Variants in TTC34 observed in about 807,000 individuals in gnomAD.
TTC34 encodes the protein tetratricopeptide repeat protein 34.
In TTC34, 44 loss-of-function variants were observed where a neutral mutation model predicts 40.7. That is an observed-to-expected ratio of 1.08 (90% CI 0.85 to 1.39). The LOEUF (loss-of-function observed/expected upper bound fraction) is 1.39, where lower values mean the gene tolerates loss of function less well. Ranked by LOEUF, TTC34 falls within the 40% of genes most tolerant of loss-of-function variation. The pLI is 0.00. For synonymous variants in TTC34, 422 were observed against 398.6 expected (o/e 1.06, Z -0.70); for missense variants, 884 against 838.0 (o/e 1.05, Z -0.68).
chr1:2,791,952 C>G lies in TTC34; in HGVS notation c.785-1606G>C, dbSNP rs575851467. The stretch of plus-strand genomic sequence containing the variant: ...TCAAGTTCACCGACCCTTCTACTGT[C>G]GCTAATATTTTCATTTCAATTATTG... On this transcript the variant is annotated intron_variant, in intron 2 of 8. Coordinates refer to ENST00000401095, the Ensembl canonical transcript of TTC34. Among the ~76,000 whole-genome samples, 3 of 141,580 alleles carry G rather than the reference C, an allele frequency of 2.1e-5. No homozygotes were observed. The Admixed American group carries it at 2.2e-4, about 11-fold the overall frequency. The allele number at this position is 141,580 out of a possible 152,430, so 92.9% of individuals were successfully genotyped here. A position where few individuals can be genotyped will look rare whatever the true frequency, so the allele number is the denominator to read the frequency against.
chr1:2,698,767 C>T (rs1466190746), intron 6 of TTC34, among the ~76,000 whole-genome samples: 362 of 97,828 alleles, frequency 3.7e-3, no homozygotes, highest in Non-Finnish European at 4.2e-3. Context: ...AGGACCCACA[C>T]CCCCAGGTGA....
chr1:2,657,494 C>A (rs1405974308), intron 6 of TTC34, among the ~76,000 whole-genome samples: 1 of 96,572 alleles, frequency 1.0e-5, no homozygotes, highest in African/African-American at 3.1e-5. Context: ...CGGAGCAGCA[C>A]CCACAACCCC....
rs1310767036 is a variant in TTC34, at chr1:2,767,861, C to T, written c.2226+15748G>A. On this transcript the variant is annotated intron_variant, in intron 6 of 8. Transcript: ENST00000401095. ...AGCACCCACACCCCCAGGTGTGCATCTGACAGCCTGAAACAGCACCCTCCA... is the reference window on the plus strand; with the variant it reads ...AGCACCCACACCCCCAGGTGTGCATTTGACAGCCTGAAACAGCACCCTCCA... 2.0e-5 allele frequency among the ~76,000 whole-genome samples: 3 copies of T among 149,284 alleles called. 1 individual carries two copies. The highest frequency in any genetic ancestry group is 7.4e-5 in the African/African-American group (3 of 40,564).
At chr1:2,778,188 A>T (rs1342302791) in intron 6 of TTC34, among the ~76,000 whole-genome samples, 1 of 152,158 alleles carries the variant, frequency 6.6e-6, no homozygotes, top group African/African-American at 2.4e-5. Context: ...GGCCTCCAGG[A>T]TTGCTTTTCC....
rs558029743 is a variant in TTC34, at chr1:2,691,147, G to A, written c.2227-45584C>T. Among the ~76,000 whole-genome samples, 2 of 70,144 alleles carry A rather than the reference G, an allele frequency of 2.9e-5. 1 individual carries two copies. The highest frequency in any genetic ancestry group is 6.7e-5 in the Non-Finnish European group (2 of 29,814). The allele number at this position is 70,144 out of a possible 152,430, so 46.0% of individuals were successfully genotyped here. ...CCTGGAACAGAACCCACACCGCCAG[G>A]GGAGTATCTGACAGACTGGAACAGC... On this transcript the variant is annotated intron_variant, in intron 6 of 8. Coordinates refer to ENST00000401095, the Ensembl canonical transcript of TTC34.
At chr1:2,690,980 C>A (rs576112944) in intron 6 of TTC34, among the ~76,000 whole-genome samples, 1 of 70,308 alleles carries the variant, frequency 1.4e-5, no homozygotes, top group East Asian at 3.4e-4. Flanking sequence ...AGCACCCACA[C>A]CCCTAGGAGA....
chr1:2,783,868 T>A, intron 5 of TTC34, 93 bp from the exon 6 acceptor site: 2 of 1,244,844 alleles, frequency 1.6e-6, no homozygotes, highest in Non-Finnish European at 2.1e-6. Flanking sequence ...AGAGGGTGCA[T>A]GAGCTTCAGG....
chr1:2,646,013 T>A (rs1290615316), intron 6 of TTC34, among the ~76,000 whole-genome samples: 3 of 152,096 alleles, frequency 2.0e-5, no homozygotes, highest in Non-Finnish European at 4.4e-5. Flanking sequence ...CTGCTCCCAG[T>A]GCCTGTGGTC....
intron 2 of TTC34, among the ~76,000 whole-genome samples, chr1:2,798,344 C>A (rs1471938102): frequency 2.0e-5 from 2 of 98,336 alleles, no homozygotes; most frequent in African/African-American, 8.8e-5. Context: ...CCTCTTAGCC[C>A]CTTAGCTCCC....
At chr1:2,783,909 G>T in intron 5 of TTC34, 134 bp from the exon 6 acceptor site, 1 of 810,500 alleles carries the variant, frequency 1.2e-6, no homozygotes, top group Non-Finnish European at 1.8e-6. Flanking sequence ...AGGCCACTGG[G>T]CACCAAGACA....
intron 6 of TTC34, among the ~76,000 whole-genome samples, chr1:2,768,022 C>G (rs1015086410): frequency 1.3e-5 from 2 of 150,942 alleles, no homozygotes; most frequent in Admixed American, 1.3e-4. Context: ...GAGCATCTGA[C>G]AGCATAAAAC....
At chr1:2,753,028 T>G (rs1474102498) in intron 6 of TTC34, among the ~76,000 whole-genome samples, 1 of 146,410 alleles carries the variant, frequency 6.8e-6, no homozygotes, top group East Asian at 2.1e-4. Flanking sequence ...CAGGTGAGCA[T>G]CCGACAGCCT....
At position 2,752,250 on chromosome 1, in the gene TTC34, GC is replaced by G. The variant is rs1196979372; in HGVS notation, c.2226+31358del. Among the ~76,000 whole-genome samples, 5 of 67,066 alleles carry G rather than the reference GC, an allele frequency of 7.5e-5. 2 individuals carry two copies. In the East Asian group the frequency reaches 4.0e-3, roughly 54 times the overall value. The allele number at this position is 67,066 out of a possible 152,430, so 44.0% of individuals were successfully genotyped here. ...TGACAGACTGGAACAGCTCCCAAAT[GC>G]CCAGCTGAGCCTCTGACAGCCTGGA... On this transcript the variant is annotated intron_variant, in intron 6 of 8. Transcript: ENST00000401095.
chr1:2,650,042 C>T (rs1639097202), intron 6 of TTC34, among the ~76,000 whole-genome samples: 1 of 151,238 alleles, frequency 6.6e-6, no homozygotes. Flanking sequence ...CCTGGAATGG[C>T]ACTCTGCATC....
At chr1:2,693,287 A>C (rs1262371509) in intron 6 of TTC34, among the ~76,000 whole-genome samples, 20 of 109,092 alleles carry the variant, frequency 1.8e-4, no homozygotes, top group Non-Finnish European at 2.3e-4. Flanking sequence ...CATCTGACAG[A>C]CTGGAACTGC....
intron 6 of TTC34, among the ~76,000 whole-genome samples, chr1:2,686,052 C>A: frequency 8.5e-6 from 1 of 118,168 alleles, no homozygotes; most frequent in Non-Finnish European, 1.7e-5. Flanking sequence ...CCCAAGTGAG[C>A]ATCCGACAGC....
At chr1:2,783,613 A>G in exon 6 of TTC34, 1 of 1,422,278 alleles carries the variant, frequency 7.0e-7, no homozygotes, top group Non-Finnish European at 9.3e-7. Context: ...CGGCACCTGC[A>G]GCTGGTCTAG....
At chr1:2,657,371 G>T (rs1423319056) in intron 6 of TTC34, among the ~76,000 whole-genome samples, 1 of 95,808 alleles carries the variant, frequency 1.0e-5, no homozygotes, top group African/African-American at 3.1e-5. Flanking sequence ...ACTTGGAGCA[G>T]CACCCACACC....
At chr1:2,797,893 C>G (rs921879066) in intron 2 of TTC34, among the ~76,000 whole-genome samples, 2 of 152,040 alleles carry the variant, frequency 1.3e-5, no homozygotes, top group East Asian at 1.9e-4. Context: ...ACCATTAAAT[C>G]TACCCACAAT....
Sources: gnomAD v4.1 joint callset for allele counts (sites outside exome capture counted in the v4.1 genomes callset) on GRCh38, gnomAD v4.1.1 for gene constraint, MANE v1.5 for transcripts, NCBI Gene and HGNC (gene_info 2026-07-23, HGNC 2026-07-21) for gene names.